Variants in CCDC144A observed in about 807,000 individuals in gnomAD.
CCDC144A encodes coiled-coil domain containing 144A.
CCDC144A carries 41 observed loss-of-function variants against 143.8 expected under a neutral mutation model. The ratio of observed to expected loss-of-function variants is 0.29; its 90% CI spans 0.22 to 0.37. The LOEUF (loss-of-function observed/expected upper bound fraction) is 0.37. Among genes scored for constraint, CCDC144A ranks in the 10% least tolerant of loss-of-function variants. The pLI, the probability that CCDC144A is intolerant of heterozygous loss-of-function variation, is 1.00. For synonymous variants in CCDC144A, 242 were observed against 517.9 expected, an observed-to-expected ratio of 0.47 and a Z score of 7.23; for missense variants, 637 against 1,488.8, an observed-to-expected ratio of 0.43 and a Z score of 9.41.
At chr17:16,740,117 C>G (rs1597573878) in intron 12 of CCDC144A, among the ~76,000 whole-genome samples, 1 of 152,204 alleles carries the variant, frequency 6.6e-6, no homozygotes, top group East Asian at 1.9e-4. Context: ...CATTGTAAGT[C>G]ATAGAGTCAT....
chr17:16,713,638 A>T (rs1251505934), intron 6 of CCDC144A, among the ~76,000 whole-genome samples: 1 of 152,202 alleles, frequency 6.6e-6, no homozygotes, highest in East Asian at 1.9e-4. Flanking sequence ...CAAAATGATA[A>T]TCAGCTTATA....
At position 16,720,185 on chromosome 17, in the gene CCDC144A, T is replaced by G. The variant is rs1261731658; in HGVS notation, c.1716-13T>G. 2.7e-6 allele frequency: 4 copies of G among 1,488,716 alleles called. No individual in the cohort carries two copies. In the African/African-American group the frequency reaches 6.4e-5, roughly 24 times the overall value. The allele number at this position is 1,488,716 out of a possible 1,614,324, so 92.2% of individuals were successfully genotyped here. Reference sequence around the variant, plus strand: ...TTGCTATTTTTCTAAAAGGAATTGTTTTTTTTTTTCAGGCCTGCAGATAAA... The same window carrying G: ...TTGCTATTTTTCTAAAAGGAATTGTGTTTTTTTTTCAGGCCTGCAGATAAA... On this transcript the variant is annotated splice_polypyrimidine_tract_variant and intron_variant, in intron 6 of 16. Transcript: ENST00000399273.
intron 2 of CCDC144A, among the ~76,000 whole-genome samples, chr17:16,699,840 C>G (rs1354008318): frequency 6.6e-6 from 1 of 151,806 alleles, no homozygotes; most frequent in Non-Finnish European, 1.5e-5. Flanking sequence ...AAATTACTTT[C>G]TGACATCAGT....
intron 9 of CCDC144A, among the ~76,000 whole-genome samples, chr17:16,728,890 C>T (rs79277551): frequency 0.091 from 13,838 of 152,210 alleles, 927 homozygotes; most frequent in East Asian, 0.32. Context: ...GGCCTCCAGT[C>T]CCTTCCAAGT....
the CCDC144A span, among the ~76,000 whole-genome samples, chr17:16,679,517 C>G: frequency 6.6e-6 from 1 of 151,566 alleles, no homozygotes; most frequent in Non-Finnish European, 1.5e-5. Context: ...AGCTTTTACA[C>G]AGAGGGGCCT....
chr17:16,734,764 G>C lies in CCDC144A; in HGVS notation c.2493G>C (p.Leu831=). ...DCMLQEEIAL[L]RLEIDTIKNQ... is the part of the protein sequence containing the mutation. ...TGTTGCAGGAAGAAATTGCCTTGCT[G>C]AGACTGGAAATAGATACAATAAAAA... The change falls in exon 12 of 17, where the codon CTG becomes CTC. Residue 831 remains leucine, a synonymous_variant. Transcript: ENST00000399273. 6 of 1,585,854 alleles carry C rather than the reference G, an allele frequency of 3.8e-6. No individual in the cohort carries two copies. Among genetic ancestry groups the C allele is most frequent in the Non-Finnish European group, 5.1e-6 (6 of 1,167,964 alleles).
chr17:16,769,974 C>T (rs2090262491), intron 15 of CCDC144A, among the ~76,000 whole-genome samples: 1 of 150,778 alleles, frequency 6.6e-6, no homozygotes, highest in Non-Finnish European at 1.5e-5. Flanking sequence ...ACTACAGGTG[C>T]ACACCACCAC....
intron 2 of CCDC144A, chr17:16,695,141 A>G (rs2621656): frequency 6.6e-6 from 1 of 152,236 alleles, no homozygotes; most frequent in African/African-American, 2.4e-5. Context: ...AGGTGCTCAT[A>G]ATAGAATAGA....
intron 5 of CCDC144A, among the ~76,000 whole-genome samples, chr17:16,711,145 A>AAAAAAAAAAC (rs1555531722): frequency 3.0e-5 from 4 of 133,456 alleles, no homozygotes; most frequent in Middle Eastern, 3.6e-3. Context: ...TGAAAAAAAA[A>AAAAAAAAAAC]AAAAAAAAAA....
intron 12 of CCDC144A, among the ~76,000 whole-genome samples, chr17:16,751,489 A>G (rs3105414): frequency 0.29 from 44,207 of 152,044 alleles, 7,567 homozygotes; most frequent in African/African-American, 0.48. Context: ...GGAAGGGGGA[A>G]AAGTAGGATT....
chr17:16,745,600 TC>T, intron 12 of CCDC144A: 1 of 1,550,280 alleles, frequency 6.5e-7, no homozygotes, highest in Non-Finnish European at 8.7e-7. Flanking sequence ...ATGCCCTCGC[TC>T]GTCCATGGAG....
intron 3 of CCDC144A, chr17:16,705,923 C>CAA (rs1228111393): frequency 2.0e-5 from 3 of 152,548 alleles, no homozygotes; most frequent in Admixed American, 1.2e-4. Context: ...ACTAAAAATA[C>CAA]AAAAAAAAAA....
chr17:16,720,275 A>G, intron 7 of CCDC144A, 44 bp downstream of exon 7: 1 of 1,519,394 alleles, frequency 6.6e-7, no homozygotes, highest in Non-Finnish European at 8.8e-7. Flanking sequence ...TTTTTAAAAA[A>G]CAAGTTCTAA....
At chr17:16,704,853 A>G (rs1424757289) in intron 2 of CCDC144A, among the ~76,000 whole-genome samples, 5 of 152,220 alleles carry the variant, frequency 3.3e-5, no homozygotes, top group African/African-American at 7.2e-5. Flanking sequence ...TAAAAGATTT[A>G]TATCCACGAA....
intron 11 of CCDC144A, among the ~76,000 whole-genome samples, chr17:16,733,503 CAAAA>C (rs575145486): frequency 1.3e-5 from 1 of 79,768 alleles, no homozygotes; most frequent in Admixed American, 1.4e-4. Flanking sequence ...GACTCCGTCT[CAAAA>C]AAAAAAAAAA....
At chr17:16,685,747 G>C (rs1382623322), upstream of CCDC144A, among the ~76,000 whole-genome samples, 1 of 151,946 alleles carries the variant, frequency 6.6e-6, no homozygotes, top group Admixed American at 6.6e-5. Context: ...TGTTTTCTGT[G>C]ATTGGTTCTG....
chr17:16,744,653 T>C (rs1914410502), intron 12 of CCDC144A, among the ~76,000 whole-genome samples: 2 of 152,140 alleles, frequency 1.3e-5, no homozygotes, highest in South Asian at 4.1e-4. Context: ...ATTGTTTAGG[T>C]TGCCTATTTA....
rs531124404 is a variant in CCDC144A, at chr17:16,691,154, G to C, written c.344+410G>C. On this transcript the variant is annotated intron_variant, in intron 1 of 16. Coordinates refer to ENST00000399273, the MANE Select transcript of CCDC144A (RefSeq NM_001382000.1). ...CACGAGGTCAGAAGTTCGAGACCAG[G>C]CTGACCAACATGGTGAAACCCCGCC... is the stretch of plus-strand genomic sequence containing the variant. 5.7e-3 allele frequency among the ~76,000 whole-genome samples: 866 copies of C among 151,560 alleles called. 4 individuals are homozygous for C. Among genetic ancestry groups the C allele is most frequent in the Admixed American group, 0.015 (226 of 15,226 alleles).
the CCDC144A span, among the ~76,000 whole-genome samples, chr17:16,677,775 C>T: frequency 3.2e-4 from 49 of 151,334 alleles, no homozygotes; most frequent in Admixed American, 3.9e-4. Flanking sequence ...CCACTGCACT[C>T]CAGCCTGGGT....
Sources: gnomAD v4.1 joint callset for allele counts (sites outside exome capture counted in the v4.1 genomes callset) on GRCh38, gnomAD v4.1.1 for gene constraint, MANE v1.5 for transcripts, NCBI Gene and HGNC (gene_info 2026-07-23, HGNC 2026-07-21) for gene names.